Variants in RNF220 observed in about 807,000 individuals in gnomAD.
RNF220 encodes E3 ubiquitin-protein ligase RNF220.
In RNF220, 7 loss-of-function variants were observed where a neutral mutation model predicts 67.1. That is an observed-to-expected ratio of 0.10 (90% CI 0.06 to 0.20). The LOEUF is 0.20. Among genes scored for constraint, RNF220 ranks in the 10% least tolerant of loss-of-function variants. The probability of loss-of-function intolerance (pLI) is 1.00; values close to 1 mark genes in which losing one functional copy is unlikely to be tolerated. For missense variants in RNF220, 565 were observed against 740.3 expected (o/e 0.76, Z 2.75); for synonymous variants, 270 against 283.2 (o/e 0.95, Z 0.47).
chr1:44,603,547 G>T (rs752423382), intron 2 of RNF220, among the ~76,000 whole-genome samples: 4 of 152,252 alleles, frequency 2.6e-5, no homozygotes, highest in Non-Finnish European at 5.9e-5. Flanking sequence ...CCAGGGAGAG[G>T]TGAAGGTCTC....
At chr1:44,411,943 T>A in intron 1 of RNF220, 38 bp from the exon 2 acceptor site, 1 of 789,578 alleles carries the variant, frequency 1.3e-6, no homozygotes, top group Non-Finnish European at 1.9e-6. Flanking sequence ...CCCCTGACTT[T>A]CCTCCCCCTT....
intron 2 of RNF220, among the ~76,000 whole-genome samples, chr1:44,499,317 C>T (rs559768469): frequency 6.6e-6 from 1 of 152,190 alleles, no homozygotes; most frequent in African/African-American, 2.4e-5. Flanking sequence ...TTAGGTCACC[C>T]CCTCTCCTTT....
In RNF220 at chr1:44,473,152, C is replaced by T. The variant is rs80241717; in HGVS notation, c.625+60430C>T. On this transcript the variant is annotated intron_variant, in intron 2 of 14. Transcript: ENST00000361799. ...TGTTCTGGAGGCCCCTTCCTTCTCC[C>T]GTCTTGACTGCAAAGGGCTGGAAAG... 7.9e-5 allele frequency among the ~76,000 whole-genome samples: 12 copies of T among 152,204 alleles called. No individual in the cohort carries two copies. In the East Asian group the frequency reaches 1.9e-3, roughly 24 times the overall value.
chr1:44,602,697 T>C (rs1558082849), intron 2 of RNF220, among the ~76,000 whole-genome samples: 1 of 151,860 alleles, frequency 6.6e-6, no homozygotes, highest in African/African-American at 2.4e-5. Context: ...ATCCATCCAT[T>C]CCTCTTCTTC....
At chr1:44,474,420 T>TAAC (rs2148002218) in intron 2 of RNF220, among the ~76,000 whole-genome samples, 1 of 116,796 alleles carries the variant, frequency 8.6e-6, no homozygotes, top group African/African-American at 3.4e-5. Context: ...ATAATAATAA[T>TAAC]AATAGGCTGG....
intron 2 of RNF220, among the ~76,000 whole-genome samples, chr1:44,517,435 T>C (rs1210781509): frequency 1.3e-5 from 2 of 152,240 alleles, no homozygotes; most frequent in Non-Finnish European, 2.9e-5. Flanking sequence ...CGTCCCAGTC[T>C]ATAAAAGATT....
chr1:44,412,784 A>G lies in RNF220; in HGVS notation c.625+62A>G. On this transcript the variant is annotated intron_variant, in intron 2 of 14. Transcript: ENST00000361799. The surrounding 1 kb of genome is among the most constrained non-coding windows in gnomAD (Gnocchi z 5.3). Reference sequence around the variant, plus strand: ...TAAGCCCTGCCTCACCGTGATGTTCAACAGGTCGGTGGCGTTTTGCATGCT... The same window carrying G: ...TAAGCCCTGCCTCACCGTGATGTTCGACAGGTCGGTGGCGTTTTGCATGCT... 5.8e-6 allele frequency: 9 copies of G among 1,554,306 alleles called. No individual in the cohort carries two copies. Among genetic ancestry groups the G allele is most frequent in the Non-Finnish European group, 7.8e-6 (9 of 1,148,768 alleles).
intron 2 of RNF220, among the ~76,000 whole-genome samples, chr1:44,527,923 CCCAAAAAAAA>C (rs1439354973): frequency 5.4e-4 from 4 of 7,402 alleles, no homozygotes; most frequent in East Asian, 0.048. Context: ...AAGACTCCAT[CCCAAAAAAAA>C]AAAAAAAAAA....
chr1:44,587,252 A>G (rs1051927754), intron 2 of RNF220, among the ~76,000 whole-genome samples: 28 of 147,454 alleles, frequency 1.9e-4, no homozygotes, highest in Non-Finnish European at 8.9e-5. Flanking sequence ...GGTTCAAGTC[A>G]TTCTCCTGCC....
At chr1:44,458,106 A>T (rs1479843780) in intron 2 of RNF220, among the ~76,000 whole-genome samples, 1 of 152,086 alleles carries the variant, frequency 6.6e-6, no homozygotes, top group Non-Finnish European at 1.5e-5. Flanking sequence ...AAAATAAAAA[A>T]TAAAAAAATT....
intron 2 of RNF220, among the ~76,000 whole-genome samples, chr1:44,593,560 A>G (rs1207971690): frequency 6.6e-6 from 1 of 151,896 alleles, no homozygotes; most frequent in Non-Finnish European, 1.5e-5. Flanking sequence ...GCCTGTTTCT[A>G]CAAAAAATAA....
chr1:44,582,880 C>T (rs1665409164), intron 2 of RNF220, among the ~76,000 whole-genome samples: 1 of 151,984 alleles, frequency 6.6e-6, no homozygotes, highest in Admixed American at 6.6e-5. Flanking sequence ...CAAAAATTAG[C>T]CTGTAATCCC....
chr1:44,453,940 G>A (rs1295981599), intron 2 of RNF220, among the ~76,000 whole-genome samples: 1 of 152,132 alleles, frequency 6.6e-6, no homozygotes, highest in Non-Finnish European at 1.5e-5. Context: ...ATACAAGCAT[G>A]CATTTTGTTA....
intron 2 of RNF220, among the ~76,000 whole-genome samples, chr1:44,475,416 C>T (rs930754335): frequency 1.3e-5 from 2 of 151,456 alleles, no homozygotes; most frequent in Admixed American, 6.6e-5. Context: ...ACTAAAAATA[C>T]AAAAATTAGC....
At chr1:44,635,675 G>A in intron 7 of RNF220, 87 bp downstream of exon 7, 2 of 1,607,570 alleles carry the variant, frequency 1.2e-6, no homozygotes, top group Non-Finnish European at 8.5e-7. Context: ...AGGTAGAGGG[G>A]CCATCACCAC....
At chr1:44,648,371 T>C (rs1644705344) in intron 12 of RNF220, 1 of 152,268 alleles carries the variant, frequency 6.6e-6, no homozygotes, top group Non-Finnish European at 1.5e-5. Context: ...TAGTAAGTGC[T>C]TAATAAATTT....
At position 44,424,061 on chromosome 1, in the gene RNF220, G is replaced by T. The variant is rs1399481335; in HGVS notation, c.625+11339G>T. Reference sequence around the variant, plus strand: ...TTTCCTGAGCTCCTGTGTGTAGAGCGTTGTGCTCGGTGCTGTTTGCAAGGG... The same window carrying T: ...TTTCCTGAGCTCCTGTGTGTAGAGCTTTGTGCTCGGTGCTGTTTGCAAGGG... On this transcript the variant is annotated intron_variant, in intron 2 of 14. Transcript: ENST00000361799. The T allele has an allele frequency of 6.2e-6, 6 of 970,784 alleles. No individual in the cohort carries two copies. In the Admixed American group the frequency reaches 3.7e-4, roughly 60 times the overall value. The allele number at this position is 970,784 out of a possible 1,614,324, so 60.1% of individuals were successfully genotyped here. A position where few individuals can be genotyped will look rare whatever the true frequency, so the allele number is the denominator to read the frequency against.
At chr1:44,564,316 G>T (rs1487106356) in intron 2 of RNF220, among the ~76,000 whole-genome samples, 7 of 152,144 alleles carry the variant, frequency 4.6e-5, no homozygotes, top group African/African-American at 1.7e-4. Flanking sequence ...CTGAACGTTG[G>T]ACTCCCCTAG....
At chr1:44,552,629 T>G (rs893571771) in intron 2 of RNF220, among the ~76,000 whole-genome samples, 2 of 123,434 alleles carry the variant, frequency 1.6e-5, no homozygotes, top group East Asian at 2.5e-4. Flanking sequence ...GGAGTGCAGT[T>G]GCGCAATCTC....
Sources: allele counts gnomAD v4.1 joint callset (sites outside exome capture counted in the v4.1 genomes callset), GRCh38; gene constraint gnomAD v4.1.1; non-coding constraint Gnocchi (gnomAD v3.1); transcripts MANE v1.5; gene names NCBI Gene and HGNC (gene_info 2026-07-23, HGNC 2026-07-21).